The following PIK3IP1 variants were observed in gnomAD, a reference collection of about 807,000 sequenced individuals.
PIK3IP1 encodes phosphoinositide-3-kinase interacting protein 1, also known as phosphoinositide-3-kinase-interacting protein 1.
A neutral mutation model predicts 30.7 loss-of-function variants in PIK3IP1; 28 were observed. The observed-to-expected ratio is 0.91, with a 90% CI of 0.68 to 1.25. The LOEUF (loss-of-function observed/expected upper bound fraction) is 1.25, where lower values mean the gene tolerates loss of function less well. Ranked by LOEUF, PIK3IP1 falls within the 50% of genes most tolerant of loss-of-function variation. The probability of loss-of-function intolerance (pLI) is 0.00; values close to 1 mark genes in which losing one functional copy is unlikely to be tolerated. For synonymous variants in PIK3IP1, 159 were observed against 140.8 expected (o/e 1.13, Z -0.91); for missense variants, 333 against 346.2 (o/e 0.96, Z 0.30).
chr22:31,282,247 A>G lies in PIK3IP1; in HGVS notation c.*837T>C, dbSNP rs1480435676. 6.6e-6 allele frequency: 1 copy of G among 152,342 alleles called. No individual in the cohort carries two copies. The highest frequency in any genetic ancestry group is 1.5e-5 in the Non-Finnish European group (1 of 68,054). The allele number at this position is 152,342 out of a possible 1,614,324, so 9.4% of individuals were successfully genotyped here. On this transcript the variant is annotated 3_prime_UTR_variant, in exon 6 of 6. Transcript: ENST00000215912. ...GGTTAGCCTCTTAGAAGCAGCTCAC[A>G]AGGCCCCACAGTATAATTCCCATAG...
intron 5 of PIK3IP1, among the ~76,000 whole-genome samples, chr22:31,286,041 C>T (rs1321576482): frequency 2.6e-5 from 4 of 151,988 alleles, no homozygotes; most frequent in South Asian, 2.1e-4. Flanking sequence ...GACATGGTGG[C>T]GGGTGCCTCT....
intron 5 of PIK3IP1, chr22:31,289,054 CTT>C (rs1000914825): frequency 6.4e-5 from 37 of 577,392 alleles, no homozygotes; most frequent in Non-Finnish European, 1.1e-4. Flanking sequence ...GGCTATGTGA[CTT>C]TGAGCAAGTC....
intron 5 of PIK3IP1, among the ~76,000 whole-genome samples, chr22:31,283,814 G>C (rs1195507395): frequency 6.6e-6 from 1 of 152,042 alleles, no homozygotes; most frequent in Admixed American, 6.5e-5. Flanking sequence ...AACCCATAAA[G>C]TTGTCCAGAA....
chr22:31,289,523 C>T lies in PIK3IP1; in HGVS notation c.484G>A (p.Glu162Lys), dbSNP rs1191456144. The T allele has an allele frequency of 1.3e-6, 2 of 1,538,484 alleles. No individual in the cohort carries two copies. Among genetic ancestry groups the T allele is most frequent in the South Asian group, 2.5e-5 (2 of 80,514 alleles). The change falls in exon 4 of 6, where the codon GAG becomes AAG. Residue 162 changes from glutamate (E) to lysine (K), a missense_variant. Physicochemically the swap from Glu to Lys is moderately conservative, Grantham distance 56. Around this residue, in one of 3 missense-constraint regions of PIK3IP1, gnomAD observed 217 missense variants for 227.7 expected, o/e 0.95. Coordinates refer to ENST00000215912, the MANE Select transcript of PIK3IP1 (RefSeq NM_052880.5). ...CCCAGAGTTCCCAGGTCCTTTTTCT[C>T]CTTGGAGTTCATCCGCACCCGCTGG... ...ISQRVRMNSK[E>K]KKDLGTLGYV...
chr22:31,284,929 G>A (rs1372512135), intron 5 of PIK3IP1, among the ~76,000 whole-genome samples: 2 of 152,030 alleles, frequency 1.3e-5, no homozygotes, highest in African/African-American at 2.4e-5. Context: ...CCCAGCCAGG[G>A]AAAAGCTCCA....
chr22:31,290,316 A>C (rs779331933), intron 3 of PIK3IP1: 5 of 152,286 alleles, frequency 3.3e-5, no homozygotes, highest in Non-Finnish European at 5.9e-5. Context: ...TGTAACGCGG[A>C]AGGCGGAAGT....
At chr22:31,290,717 A>T (rs918427034) in intron 3 of PIK3IP1, 1 of 502,150 alleles carries the variant, frequency 2.0e-6, no homozygotes, top group South Asian at 3.2e-5. Flanking sequence ...CGGCGGAGAG[A>T]CCTAGCCTCA....
intron 5 of PIK3IP1, chr22:31,288,940 G>A: frequency 2.4e-6 from 1 of 417,856 alleles, no homozygotes; most frequent in Admixed American, 4.0e-5. Context: ...TGTCAAGCCT[G>A]ATTTCTGCAG....
In PIK3IP1 at chr22:31,282,980, T is replaced by C; in HGVS notation, c.*104A>G. The C allele has an allele frequency of 1.2e-6, 1 of 852,158 alleles. No homozygotes were observed. The highest frequency in any genetic ancestry group is 1.8e-6 in the Non-Finnish European group (1 of 562,294). The allele number at this position is 852,158 out of a possible 1,614,324, so 52.8% of individuals were successfully genotyped here. Reference sequence around the variant, plus strand: ...AGGATTCGCCAAAAAAGCGGGGGAGTGGTAGGGTTTTAACCAGAACACAAA... The same window carrying C: ...AGGATTCGCCAAAAAAGCGGGGGAGCGGTAGGGTTTTAACCAGAACACAAA... On this transcript the variant is annotated 3_prime_UTR_variant, in exon 6 of 6. Coordinates refer to ENST00000215912, the MANE Select transcript of PIK3IP1 (RefSeq NM_052880.5).
chr22:31,287,735 A>C (rs975929771), intron 5 of PIK3IP1, among the ~76,000 whole-genome samples: 2 of 152,150 alleles, frequency 1.3e-5, no homozygotes, highest in African/African-American at 4.8e-5. Flanking sequence ...CATGATGTGG[A>C]GTAGGAAATT....
At chr22:31,290,843 T>TCGGACGGCGCGGAGGCGGAGCGGGGC in intron 3 of PIK3IP1, 122 bp downstream of exon 3, 3 of 1,373,718 alleles carry the variant, frequency 2.2e-6, no homozygotes, top group Non-Finnish European at 2.8e-6. Flanking sequence ...CCCTGGCCAA[T>TCGGACGGCGCGGAGGCGGAGCGGGGC]CGGACGGCGC....
At chr22:31,291,469 A>ACCCCCCCCCCCCCCCCCCC (rs10558009) in intron 1 of PIK3IP1, among the ~76,000 whole-genome samples, 173 bp from the exon 2 acceptor site, 1 of 104,760 alleles carries the variant, frequency 9.5e-6, no homozygotes. Context: ...CGCCCCACGC[A>ACCCCCCCCCCCCCCCCCCC]CCCCCCCCCC....
chr22:31,291,900 C>T (rs965329842), intron 1 of PIK3IP1, among the ~76,000 whole-genome samples: 3 of 152,224 alleles, frequency 2.0e-5, no homozygotes, highest in Non-Finnish European at 4.4e-5. Context: ...GGCCTCATCG[C>T]TGACTGGATG....
rs1011397239 is a variant in PIK3IP1 at position 31,291,190 on chromosome 22, G to A, written c.177C>T (p.Ala59=). The change falls in exon 2 of 6, where the codon GCC becomes GCT. Residue 59 remains alanine (A), a synonymous_variant. Transcript: ENST00000215912. The stretch of plus-strand genomic sequence containing the variant: ...CCGGAGGACACTTACCCGACACGGG[G>A]GCCGAGGCCAGCCCGCTCTGCGCGT... ...WLDAQSGLAS[A]PVSGAGNHSY... is the part of the protein sequence containing the mutation. 2.6e-6 allele frequency: 4 copies of A among 1,547,170 alleles called. No individual in the cohort carries two copies. The highest frequency in any genetic ancestry group is 3.5e-6 in the Non-Finnish European group (4 of 1,145,486).
chr22:31,286,821 G>A (rs566739717), intron 5 of PIK3IP1, among the ~76,000 whole-genome samples: 1 of 152,146 alleles, frequency 6.6e-6, no homozygotes, highest in African/African-American at 2.4e-5. Context: ...CTTATGAATT[G>A]TAAGGCCAGG....
At chr22:31,289,910 G>A (rs1244327145) in intron 3 of PIK3IP1, 2 of 515,388 alleles carry the variant, frequency 3.9e-6, no homozygotes, top group Non-Finnish European at 6.9e-6. Flanking sequence ...GAGGAAGGCC[G>A]TAGGGAAGGG....
At position 31,283,082 on chromosome 22, in the gene PIK3IP1, G is replaced by A. The variant is rs753699366; in HGVS notation, c.*2C>T. The A allele has an allele frequency of 7.6e-6, 12 of 1,586,666 alleles. No individual in the cohort carries two copies. The highest frequency in any genetic ancestry group is 1.0e-5 in the Non-Finnish European group (12 of 1,166,132). ...GCATGGGCTCCTGCCCACTGGGGGGGCTCAGGCCCCAGGAGTCCCGGCCTG... is the reference window on the plus strand; with the variant it reads ...GCATGGGCTCCTGCCCACTGGGGGGACTCAGGCCCCAGGAGTCCCGGCCTG... On this transcript the variant is annotated 3_prime_UTR_variant, in exon 6 of 6. Coordinates refer to ENST00000215912, the MANE Select transcript of PIK3IP1 (RefSeq NM_052880.5).
At chr22:31,285,047 G>A (rs1481188565) in intron 5 of PIK3IP1, among the ~76,000 whole-genome samples, 3 of 152,226 alleles carry the variant, frequency 2.0e-5, no homozygotes, top group African/African-American at 7.2e-5. Context: ...GCTGGCCAGA[G>A]AGAGCAGGTG....
In PIK3IP1 at chr22:31,292,298, A is replaced by T; in HGVS notation, c.47T>A (p.Leu16Gln). 1 of 1,614,182 alleles carries T rather than the reference A, an allele frequency of 6.2e-7. No homozygotes were observed. The highest frequency in any genetic ancestry group is 8.5e-7 in the Non-Finnish European group (1 of 1,180,012). The change falls in exon 1 of 6, where the codon CTA becomes CAA. Residue 16 changes from leucine (L) to glutamine (Q), a missense_variant. Around this residue, in one of 3 missense-constraint regions of PIK3IP1, gnomAD observed 111 missense variants for 100.1 expected, o/e 1.11. Transcript: ENST00000215912. ...VQAFLVSNML[L>Q]AEAYGSGGCF... ...ACCTCCAGATCCATAGGCTTCTGCT[A>T]GGAGCATGTTGCTGACGAGGAATGC...
Sources: allele counts gnomAD v4.1 joint callset (sites outside exome capture counted in the v4.1 genomes callset), GRCh38; gene constraint gnomAD v4.1.1; regional missense constraint gnomAD v4.1.1; transcripts MANE v1.5; gene names NCBI Gene and HGNC (gene_info 2026-07-23, HGNC 2026-07-21).